Variants in ATR observed in about 807,000 individuals in gnomAD.
ATR encodes the protein serine/threonine-protein kinase ATR.
A neutral mutation model predicts 305.3 loss-of-function variants in ATR; 142 were observed. The ratio of observed to expected loss-of-function variants is 0.47; its 90% CI spans 0.41 to 0.53. The LOEUF is 0.53. ATR is among the 20% of genes least tolerant of loss of function. The pLI is 0.00. For missense variants in ATR, 2,135 were observed against 3,133.1 expected (o/e 0.68, Z 7.60); for synonymous variants, 1,050 against 1,068.1 (o/e 0.98, Z 0.33).
chr3:142,538,715 A>G (rs1559975565), intron 18 of ATR, 90 bp from the exon 19 acceptor site: 3 of 1,481,426 alleles, frequency 2.0e-6, no homozygotes, highest in Non-Finnish European at 2.8e-6. Context: ...GACACATGAT[A>G]TATACAAACA....
chr3:142,513,120 G>T (rs1329622235), intron 26 of ATR, among the ~76,000 whole-genome samples: 2 of 151,972 alleles, frequency 1.3e-5, no homozygotes, highest in East Asian at 3.9e-4. Context: ...AGGATTAAAA[G>T]AAAATATAGC....
intron 36 of ATR, among the ~76,000 whole-genome samples, chr3:142,472,737 A>C (rs1374338280): frequency 1.3e-5 from 2 of 152,130 alleles, no homozygotes; most frequent in African/African-American, 4.8e-5. Flanking sequence ...TCCTAGGCTA[A>C]AGTGATGCCC....
chr3:142,560,646 C>T (rs549502964), intron 5 of ATR, among the ~76,000 whole-genome samples, 192 bp from the exon 6 acceptor site: 11 of 152,018 alleles, frequency 7.2e-5, no homozygotes, highest in African/African-American at 2.7e-4. Flanking sequence ...CTGCAAGCTC[C>T]GCCTCCCGGG....
intron 36 of ATR, among the ~76,000 whole-genome samples, chr3:142,475,627 T>C (rs202152244): frequency 6.6e-6 from 1 of 151,830 alleles, no homozygotes; most frequent in African/African-American, 2.4e-5. Flanking sequence ...ATGGGATGGC[T>C]AGGTCAAATG....
At chr3:142,507,414 T>C (rs1449388799) in intron 28 of ATR, among the ~76,000 whole-genome samples, 4 of 152,180 alleles carry the variant, frequency 2.6e-5, no homozygotes, top group Admixed American at 2.6e-4. Context: ...ATCATAGCCC[T>C]TCCAAACTCC....
rs781701904 is a variant in ATR, at chr3:142,542,782, G to A, written c.3358-25C>T. ...CCTAAGAAATAAAAACAGATAATAT[G>A]TAAGCTTTATACAGATTGAATTTCT... is the stretch of plus-strand genomic sequence containing the variant. On this transcript the variant is annotated intron_variant, in intron 16 of 46. Coordinates refer to ENST00000350721, the MANE Select transcript of ATR (RefSeq NM_001184.4). 18 of 1,535,720 alleles carry A rather than the reference G, an allele frequency of 1.2e-5. 1 individual carries two copies. The highest frequency in any genetic ancestry group is 1.0e-4 in the South Asian group (9 of 88,440).
intron 36 of ATR, among the ~76,000 whole-genome samples, chr3:142,470,495 T>C (rs1039597923): frequency 6.6e-6 from 1 of 152,120 alleles, no homozygotes; most frequent in Non-Finnish European, 1.5e-5. Context: ...CTCTGTGCCT[T>C]CATTTGCATT....
chr3:142,462,821 C>T (rs1167893309), intron 41 of ATR, among the ~76,000 whole-genome samples: 2 of 152,108 alleles, frequency 1.3e-5, no homozygotes, highest in African/African-American at 2.4e-5. Context: ...TCTATGACAT[C>T]CTCAAAATGT....
intron 36 of ATR, among the ~76,000 whole-genome samples, chr3:142,474,355 T>C (rs745930264): frequency 2.9e-4 from 44 of 152,226 alleles, no homozygotes; most frequent in Non-Finnish European, 4.9e-4. Context: ...TATTAATTCT[T>C]CCAATACATA....
At chr3:142,558,454 G>A (rs893094728) in intron 8 of ATR, among the ~76,000 whole-genome samples, 170 bp downstream of exon 8, 2 of 151,904 alleles carry the variant, frequency 1.3e-5, no homozygotes, top group African/African-American at 2.4e-5. Context: ...ACCTGAAGAC[G>A]GAGGTTGCAG....
intron 35 of ATR, among the ~76,000 whole-genome samples, chr3:142,487,005 G>C (rs981322616): frequency 6.7e-6 from 1 of 149,944 alleles, no homozygotes; most frequent in Admixed American, 6.7e-5. Flanking sequence ...GGTGGCAGGC[G>C]CCTGTAGTCC....
At chr3:142,473,843 T>C (rs1443890592) in intron 36 of ATR, among the ~76,000 whole-genome samples, 1 of 152,014 alleles carries the variant, frequency 6.6e-6, no homozygotes, top group East Asian at 1.9e-4. Context: ...CCGGCCAGCT[T>C]TGTTCTTGCT....
intron 45 of ATR, among the ~76,000 whole-genome samples, chr3:142,456,523 G>T (rs930794075): frequency 2.0e-5 from 3 of 151,794 alleles, no homozygotes; most frequent in Non-Finnish European, 2.9e-5. Flanking sequence ...AGTGAGCCAA[G>T]ATCACGCCAC....
intron 2 of ATR, among the ~76,000 whole-genome samples, chr3:142,566,642 AC>A (rs1481744929): frequency 3.4e-5 from 5 of 146,592 alleles, no homozygotes; most frequent in African/African-American, 1.0e-4. Context: ...AAAAAAAAAA[AC>A]AAAAAGTGGG....
At chr3:142,484,503 A>T (rs1013577765) in intron 36 of ATR, among the ~76,000 whole-genome samples, 2 of 152,120 alleles carry the variant, frequency 1.3e-5, no homozygotes, top group African/African-American at 4.8e-5. Context: ...ACCCCTCCAG[A>T]CCTCACCCTA....
intron 36 of ATR, among the ~76,000 whole-genome samples, chr3:142,480,149 G>T (rs886316774): frequency 1.3e-5 from 2 of 152,230 alleles, no homozygotes; most frequent in African/African-American, 4.8e-5. Context: ...TTCCTTTGGA[G>T]GAGGAGAGGC....
chr3:142,550,375 A>G, intron 13 of ATR, 73 bp from the exon 14 acceptor site: 1 of 1,478,174 alleles, frequency 6.8e-7, no homozygotes, highest in Non-Finnish European at 9.4e-7. Context: ...TTAAGCCACC[A>G]TAGAGGGCAG....
At chr3:142,469,006 TAAAA>T (rs929430974) in intron 38 of ATR, among the ~76,000 whole-genome samples, 1 of 151,936 alleles carries the variant, frequency 6.6e-6, no homozygotes, top group Non-Finnish European at 1.5e-5. Context: ...GGAAAAAAAA[TAAAA>T]ATTCAGGTAG....
intron 27 of ATR, 140 bp downstream of exon 27, chr3:142,512,120 A>AAAC (rs1338436197): frequency 2.5e-5 from 21 of 831,010 alleles, no homozygotes; most frequent in South Asian, 3.5e-5. Context: ...CTCCATCTCC[A>AAAC]AACAACAACA....
Sources: gnomAD v4.1 joint callset for allele counts (sites outside exome capture counted in the v4.1 genomes callset) on GRCh38, gnomAD v4.1.1 for gene constraint, MANE v1.5 for transcripts, NCBI Gene and HGNC (gene_info 2026-07-23, HGNC 2026-07-21) for gene names.